The following ADGRL3 variants were observed in gnomAD, a reference collection of about 807,000 sequenced individuals.
The protein encoded by ADGRL3 is calcium-independent alpha-latrotoxin receptor 3.
A neutral mutation model predicts 153.5 loss-of-function variants in ADGRL3; 62 were observed. That is an observed-to-expected ratio of 0.40 (90% confidence interval 0.33 to 0.50). ADGRL3 has a LOEUF of 0.50. Among genes scored for constraint, ADGRL3 ranks in the 20% least tolerant of loss-of-function variants. ADGRL3 has a pLI of 0.47. For synonymous variants in ADGRL3, 710 were observed against 672.5 expected (o/e 1.06, Z -0.86); for missense variants, 1,641 against 1,859.4 (o/e 0.88, Z 2.16).
intron 1 of ADGRL3, among the ~76,000 whole-genome samples, chr4:61,372,996 T>C (rs183428798): frequency 6.6e-6 from 1 of 152,296 alleles, no homozygotes. Context: ...ATTCTCCAGG[T>C]GCGGTCGGTC....
At chr4:61,883,321 A>G (rs943714545) in intron 9 of ADGRL3, among the ~76,000 whole-genome samples, 1 of 152,102 alleles carries the variant, frequency 6.6e-6, no homozygotes, top group Non-Finnish European at 1.5e-5. Flanking sequence ...GGTTGTTTTC[A>G]TTGCTTACTT....
chr4:61,675,643 T>TTTTATTTATTTATTTA (rs71213003), intron 5 of ADGRL3, among the ~76,000 whole-genome samples: 14,586 of 139,620 alleles, frequency 0.1, 992 homozygotes, highest in Non-Finnish European at 0.15. Context: ...GCTTAGAAAG[T>TTTTATTTATTTATTTA]TTTATTTATT....
chr4:61,475,257 A>T (rs984817269), intron 2 of ADGRL3, among the ~76,000 whole-genome samples: 2 of 152,144 alleles, frequency 1.3e-5, no homozygotes, highest in African/African-American at 2.4e-5. Context: ...TTAAATCATG[A>T]CATTTTAAGC....
intron 4 of ADGRL3, among the ~76,000 whole-genome samples, chr4:61,519,531 A>G (rs942055990): frequency 1.3e-5 from 2 of 152,224 alleles, no homozygotes; most frequent in South Asian, 2.1e-4. Flanking sequence ...AAGTAATTTT[A>G]TCAAGGAGAC....
At chr4:61,755,557 C>A (rs1311137273) in intron 8 of ADGRL3, among the ~76,000 whole-genome samples, 1 of 152,040 alleles carries the variant, frequency 6.6e-6, no homozygotes, top group Non-Finnish European at 1.5e-5. Context: ...AATTTTCTCC[C>A]GTTCTGTAGG....
intron 6 of ADGRL3, among the ~76,000 whole-genome samples, chr4:61,698,609 T>A (rs12501190): frequency 2.7e-3 from 407 of 152,356 alleles, no homozygotes; most frequent in Admixed American, 6.7e-3. Flanking sequence ...GTATTTTTTT[T>A]AATTCCATTA....
chr4:61,620,587 G>T (rs2092429160), intron 5 of ADGRL3, among the ~76,000 whole-genome samples: 1 of 149,682 alleles, frequency 6.7e-6, no homozygotes, highest in Non-Finnish European at 1.5e-5. Flanking sequence ...AAACAATTTA[G>T]CTGGCTTTTC....
At chr4:61,789,263 C>A (rs1342926539) in intron 8 of ADGRL3, among the ~76,000 whole-genome samples, 1 of 152,088 alleles carries the variant, frequency 6.6e-6, no homozygotes, top group Non-Finnish European at 1.5e-5. Context: ...CAAGTAAAAT[C>A]TTTCTCTCTG....
chr4:61,822,172 C>A (rs970857467), intron 9 of ADGRL3, among the ~76,000 whole-genome samples: 2 of 152,138 alleles, frequency 1.3e-5, no homozygotes, highest in Non-Finnish European at 1.5e-5. Flanking sequence ...TAACGGAGTT[C>A]TTTGATTGCA....
chr4:61,653,657 A>G (rs2094347323), intron 5 of ADGRL3, among the ~76,000 whole-genome samples: 1 of 152,164 alleles, frequency 6.6e-6, no homozygotes, highest in South Asian at 2.1e-4. Flanking sequence ...AGGTACACAT[A>G]CTGTCCCTCA....
chr4:61,994,745 A>T (rs555041630), intron 19 of ADGRL3, among the ~76,000 whole-genome samples: 45 of 150,806 alleles, frequency 3.0e-4, no homozygotes, highest in Admixed American at 9.9e-4. Flanking sequence ...GAGTTTGGTG[A>T]TTTTTTTTTC....
chr4:61,387,169 A>C (rs1452931642), intron 2 of ADGRL3, among the ~76,000 whole-genome samples: 3 of 152,154 alleles, frequency 2.0e-5, no homozygotes, highest in African/African-American at 4.8e-5. Context: ...AAAAACCAGC[A>C]AGTTTTTATT....
intron 6 of ADGRL3, chr4:61,677,257 A>AAGAGGTGAAAATG (rs1271016766): frequency 6.5e-6 from 2 of 308,806 alleles, no homozygotes; most frequent in African/African-American, 4.4e-5. Context: ...CCAAGCAGAT[A>AAGAGGTGAAAATG]AGAGGTGAAA....
intron 21 of ADGRL3, among the ~76,000 whole-genome samples, chr4:62,019,737 T>G (rs2151363636): frequency 6.6e-6 from 1 of 152,256 alleles, no homozygotes; most frequent in East Asian, 1.9e-4. Flanking sequence ...CAGTGTAATT[T>G]TTTTCAAAAT....
intron 1 of ADGRL3, among the ~76,000 whole-genome samples, chr4:61,226,830 A>G (rs897369039): frequency 6.6e-6 from 1 of 152,182 alleles, no homozygotes; most frequent in Non-Finnish European, 1.5e-5. Flanking sequence ...CTTTACAAAA[A>G]TCCAACCCTT....
intron 4 of ADGRL3, among the ~76,000 whole-genome samples, chr4:61,550,766 A>G (rs544488107): frequency 6.6e-6 from 1 of 152,074 alleles, no homozygotes; most frequent in Non-Finnish European, 1.5e-5. Context: ...TGCTAACAGT[A>G]TTCTTATTTG....
chr4:61,796,197 T>C (rs898032288), intron 8 of ADGRL3, among the ~76,000 whole-genome samples: 1 of 152,190 alleles, frequency 6.6e-6, no homozygotes, highest in African/African-American at 2.4e-5. Flanking sequence ...GTCCCTGTGC[T>C]GTGATATGCA....
chr4:61,892,488 G>A (rs1176259577), intron 9 of ADGRL3, among the ~76,000 whole-genome samples, 168 bp from the exon 10 acceptor site: 3 of 152,014 alleles, frequency 2.0e-5, no homozygotes, highest in African/African-American at 7.2e-5. Flanking sequence ...CTGATACCTT[G>A]GTATTGGCTT....
intron 11 of ADGRL3, among the ~76,000 whole-genome samples, chr4:61,898,640 A>G (rs2098645674): frequency 6.7e-6 from 1 of 148,488 alleles, no homozygotes; most frequent in Admixed American, 6.7e-5. Flanking sequence ...TTTTTTTGAG[A>G]TGAAGTCTCG....
Sources: gnomAD v4.1 joint callset for allele counts (sites outside exome capture counted in the v4.1 genomes callset) on GRCh38, gnomAD v4.1.1 for gene constraint, MANE v1.5 for transcripts, NCBI Gene and HGNC (gene_info 2026-07-23, HGNC 2026-07-21) for gene names.